Variants in MMP26 observed in about 807,000 individuals in gnomAD.
MMP26 encodes the protein matrix metallopeptidase 26.
MMP26 carries 33 observed loss-of-function variants against 31.0 expected under a neutral mutation model. That is an observed-to-expected ratio of 1.06 (90% CI 0.81 to 1.42). The LOEUF (loss-of-function observed/expected upper bound fraction) is 1.42. MMP26 is among the 40% of genes most tolerant of loss of function. The pLI is 0.00. For synonymous variants in MMP26, 122 were observed against 114.9 expected, an observed-to-expected ratio of 1.06 and a Z score of -0.40; for missense variants, 347 against 316.1, an observed-to-expected ratio of 1.10 and a Z score of -0.74.
Position 4,848,294 on chromosome 11 carries a change from C to T in MMP26, c.-145+80953C>T, listed in dbSNP as rs1198115712. The T allele has an allele frequency of 1.9e-6, 3 of 1,613,886 alleles. No homozygotes were observed. In the South Asian group the frequency reaches 3.3e-5, roughly 18 times the overall value. On this transcript the variant is annotated intron_variant, in intron 2 of 7. Transcript: ENST00000380390. ...ACCTGTTGAGTATTCTCTTTCTAAT[C>T]TCCTTCATCTTGACACTATAGAGAA... is the stretch of plus-strand genomic sequence containing the variant.
intron 2 of MMP26, among the ~76,000 whole-genome samples, chr11:4,905,436 T>TA (rs1055143469): frequency 6.6e-5 from 10 of 152,134 alleles, no homozygotes; most frequent in Non-Finnish European, 1.5e-4. Flanking sequence ...AATTATCCTC[T>TA]AAAAAATCAC....
chr11:4,988,600 A>C (rs1846942054), intron 3 of MMP26, among the ~76,000 whole-genome samples: 1 of 152,084 alleles, frequency 6.6e-6, no homozygotes, highest in African/African-American at 2.4e-5. Context: ...TATGGCATAG[A>C]GTGAACACTC....
Position 4,794,703 on chromosome 11 carries a change from C to G in MMP26, c.-145+27362C>G, listed in dbSNP as rs115420876. ...CAAGCTAGTAAACTCTCATTCTAAGCTAAACCCTTTGGTTCGGGTGAGGGT... is the reference window on the plus strand; with the variant it reads ...CAAGCTAGTAAACTCTCATTCTAAGGTAAACCCTTTGGTTCGGGTGAGGGT... On this transcript the variant is annotated intron_variant, in intron 2 of 7. Transcript: ENST00000380390. 4.6e-3 allele frequency among the ~76,000 whole-genome samples: 707 copies of G among 152,254 alleles called. 10 individuals are homozygous for G. The highest frequency in any genetic ancestry group is 0.015 in the African/African-American group (633 of 41,542).
At chr11:4,820,166 C>T (rs1849475793) in intron 2 of MMP26, among the ~76,000 whole-genome samples, 1 of 152,150 alleles carries the variant, frequency 6.6e-6, no homozygotes, top group Non-Finnish European at 1.5e-5. Context: ...CTCAGCTTTA[C>T]TGAGTGAAGG....
intron 2 of MMP26, among the ~76,000 whole-genome samples, chr11:4,900,265 A>G (rs1042295533): frequency 2.6e-5 from 4 of 152,190 alleles, no homozygotes; most frequent in Non-Finnish European, 4.4e-5. Flanking sequence ...AAGCCCTGAG[A>G]TACTAGGTTT....
intron 1 of MMP26, among the ~76,000 whole-genome samples, chr11:4,759,111 C>CAAAAAAAA (rs989730402): frequency 4.6e-5 from 2 of 43,200 alleles, no homozygotes; most frequent in Non-Finnish European, 4.6e-5. Flanking sequence ...CATTCCATCT[C>CAAAAAAAA]AAAAAAAAAA....
chr11:4,968,840 A>G (rs1175637441), intron 2 of MMP26, among the ~76,000 whole-genome samples: 1 of 152,012 alleles, frequency 6.6e-6, no homozygotes, highest in Non-Finnish European at 1.5e-5. Flanking sequence ...TACCTTTGAA[A>G]AATATCCATG....
intron 5 of MMP26, among the ~76,000 whole-genome samples, chr11:4,991,083 C>T (rs1317687524): frequency 6.6e-6 from 1 of 152,158 alleles, no homozygotes; most frequent in East Asian, 1.9e-4. Context: ...TTCTCTTTCC[C>T]TTTTCCCCTA....
intron 2 of MMP26, chr11:4,914,669 G>A: frequency 7.9e-7 from 1 of 1,267,310 alleles, no homozygotes; most frequent in East Asian, 2.4e-5. Context: ...ATAAAGGATA[G>A]GCAAACAAGG....
intron 2 of MMP26, among the ~76,000 whole-genome samples, chr11:4,901,336 A>G (rs1850799208): frequency 1.3e-5 from 2 of 151,342 alleles, no homozygotes; most frequent in East Asian, 2.0e-4. Context: ...ATTTTTTTGT[A>G]TTTTTAGTAG....
chr11:4,939,120 T>C (rs1846171644), intron 2 of MMP26, among the ~76,000 whole-genome samples: 1 of 152,170 alleles, frequency 6.6e-6, no homozygotes, highest in African/African-American at 2.4e-5. Flanking sequence ...AGCTTCCTTA[T>C]TATTTTCCTG....
chr11:4,907,948 G>T (rs1166096481), intron 2 of MMP26: 1 of 1,614,106 alleles, frequency 6.2e-7, no homozygotes, highest in Non-Finnish European at 8.5e-7. Flanking sequence ...CTGACAACAA[G>T]ACCAATGTCA....
intron 1 of MMP26, among the ~76,000 whole-genome samples, chr11:4,762,846 A>T (rs1465086770): frequency 6.6e-6 from 1 of 152,174 alleles, no homozygotes; most frequent in Non-Finnish European, 1.5e-5. Context: ...GAAACCTGAA[A>T]ACTGGTCTAC....
chr11:4,844,605 A>C (rs1202684884), intron 2 of MMP26, among the ~76,000 whole-genome samples: 1 of 152,210 alleles, frequency 6.6e-6, no homozygotes, highest in Non-Finnish European at 1.5e-5. Context: ...AGAATGGTTC[A>C]ACATATGAAA....
Position 4,945,793 on chromosome 11 carries a change from C to G in MMP26, c.-144-42275C>G, listed in dbSNP as rs144615590. ...AAGATGATTAAAATGGATAAAGAGA[C>G]AGCTAATTTAGGTCTAGCATTAAAA... is the stretch of plus-strand genomic sequence containing the variant. On this transcript the variant is annotated intron_variant, in intron 2 of 7. Transcript: ENST00000380390. 7 of 277,120 alleles carry G rather than the reference C, an allele frequency of 2.5e-5. 1 individual carries two copies. The East Asian group carries it at 5.0e-4, about 20-fold the overall frequency. The allele number at this position is 277,120 out of a possible 1,614,324, so 17.2% of individuals were successfully genotyped here. A position where few individuals can be genotyped will look rare whatever the true frequency, so the allele number is the denominator to read the frequency against.
intron 2 of MMP26, among the ~76,000 whole-genome samples, chr11:4,789,161 G>A (rs1380906883): frequency 1.3e-5 from 2 of 152,118 alleles, no homozygotes; most frequent in East Asian, 1.9e-4. Context: ...TGACATGTGG[G>A]GATGTTGAAT....
At chr11:4,882,662 G>T (rs1343449749) in intron 2 of MMP26, 1 of 1,613,790 alleles carries the variant, frequency 6.2e-7, no homozygotes, top group East Asian at 2.2e-5. Flanking sequence ...TATTTTCTAT[G>T]TGCCACTGAT....
intron 2 of MMP26, among the ~76,000 whole-genome samples, chr11:4,980,474 A>C (rs1331137249): frequency 6.6e-6 from 1 of 152,114 alleles, no homozygotes; most frequent in Non-Finnish European, 1.5e-5. Context: ...AGCAAAGAAC[A>C]AAATATAGGG....
chr11:4,984,017 C>A (rs1419553044), intron 2 of MMP26, among the ~76,000 whole-genome samples: 1 of 152,282 alleles, frequency 6.6e-6, no homozygotes, highest in South Asian at 2.1e-4. Context: ...CTTAGTTAAG[C>A]TGGCTCTCAG....
Sources: allele counts gnomAD v4.1 joint callset (sites outside exome capture counted in the v4.1 genomes callset), GRCh38; gene constraint gnomAD v4.1.1; transcripts MANE v1.5; gene names NCBI Gene and HGNC (gene_info 2026-07-23, HGNC 2026-07-21).